Variants in GNA14 observed in about 807,000 individuals in gnomAD.
The protein encoded by GNA14 is guanine nucleotide-binding protein subunit alpha-14.
In GNA14, 50 loss-of-function variants were observed where a neutral mutation model predicts 42.0. The observed-to-expected ratio is 1.19, with a 90% CI of 0.95 to 1.51. The LOEUF (loss-of-function observed/expected upper bound fraction) is 1.51, where lower values mean the gene tolerates loss of function less well. Ranked by LOEUF, GNA14 falls within the 40% of genes most tolerant of loss-of-function variation. The probability of loss-of-function intolerance (pLI) is 0.00; values close to 1 mark genes in which losing one functional copy is unlikely to be tolerated. For synonymous variants in GNA14, 173 were observed against 163.1 expected, an observed-to-expected ratio of 1.06 and a Z score of -0.46; for missense variants, 473 against 446.2, an observed-to-expected ratio of 1.06 and a Z score of -0.54.
chr9:77,561,873 C>T (rs1822888804), intron 1 of GNA14, among the ~76,000 whole-genome samples: 1 of 152,192 alleles, frequency 6.6e-6, no homozygotes, highest in Non-Finnish European at 1.5e-5. Context: ...ATCTCCATTT[C>T]CTCTTTTCCT....
chr9:77,517,585 C>CTTTTCT (rs1564039531), intron 2 of GNA14: 4 of 48,810 alleles, frequency 8.2e-5, no homozygotes, highest in Non-Finnish European at 1.6e-4. Context: ...TATCCTGGTA[C>CTTTTCT]TTTTCTTTTT....
At chr9:77,515,970 A>AAAAAAAAAAAAAAAAAC (rs1837250211) in intron 2 of GNA14, among the ~76,000 whole-genome samples, 1 of 148,216 alleles carries the variant, frequency 6.7e-6, no homozygotes, top group African/African-American at 2.5e-5. Flanking sequence ...CAAAAAAAAA[A>AAAAAAAAAAAAAAAAAC]AAAAAAAAAA....
intron 2 of GNA14, among the ~76,000 whole-genome samples, chr9:77,519,907 G>T (rs1402037246): frequency 3.3e-5 from 5 of 152,104 alleles, no homozygotes; most frequent in Non-Finnish European, 2.9e-5. Flanking sequence ...CTACTCGGGG[G>T]ACTGAGGCAG....
intron 2 of GNA14, among the ~76,000 whole-genome samples, chr9:77,515,971 A>AAAAAAAAAAAAAAAAAAAAAAAAAAC (rs1554693936): frequency 1.4e-5 from 2 of 147,142 alleles, no homozygotes; most frequent in Non-Finnish European, 3.0e-5. Flanking sequence ...AAAAAAAAAA[A>AAAAAAAAAAAAAAAAAAAAAAAAAAC]AAAAAAAAAA....
intron 1 of GNA14, among the ~76,000 whole-genome samples, chr9:77,628,384 C>T (rs1411605960): frequency 5.9e-5 from 9 of 152,184 alleles, no homozygotes; most frequent in African/African-American, 2.2e-4. Flanking sequence ...TTAGAAAAAA[C>T]TACTTTAAAT....
At chr9:77,522,830 C>T (rs12348395) in intron 2 of GNA14, among the ~76,000 whole-genome samples, 2,170 of 152,260 alleles carry the variant, frequency 0.014, 63 homozygotes, top group African/African-American at 0.049. Context: ...GCCTGATAAA[C>T]CCAGCAGTAG....
intron 5 of GNA14, among the ~76,000 whole-genome samples, chr9:77,426,595 C>T (rs924655814): frequency 1.3e-4 from 20 of 152,186 alleles, no homozygotes; most frequent in African/African-American, 3.4e-4. Context: ...TGAGCCACCG[C>T]GCCTGGCCTT....
chr9:77,506,758 A>C (rs1401784695), intron 2 of GNA14, among the ~76,000 whole-genome samples: 4 of 152,218 alleles, frequency 2.6e-5, no homozygotes, highest in Non-Finnish European at 5.9e-5. Context: ...CTCACAGCAC[A>C]TCTTGATTCA....
chr9:77,466,601 C>T (rs1445313140), intron 2 of GNA14, among the ~76,000 whole-genome samples: 6 of 151,054 alleles, frequency 4.0e-5, no homozygotes, highest in Non-Finnish European at 8.9e-5. Flanking sequence ...ACCTCTGGGG[C>T]CTTCCAAGCC....
At chr9:77,632,042 C>T (rs1824107486) in intron 1 of GNA14, among the ~76,000 whole-genome samples, 1 of 152,202 alleles carries the variant, frequency 6.6e-6, no homozygotes, top group Non-Finnish European at 1.5e-5. Flanking sequence ...GCCACCGCTG[C>T]AGCTGCCAAA....
intron 1 of GNA14, among the ~76,000 whole-genome samples, chr9:77,580,083 T>C (rs779671740): frequency 1.3e-5 from 2 of 152,218 alleles, no homozygotes; most frequent in African/African-American, 2.4e-5. Flanking sequence ...CCAGGGTGAC[T>C]GTATGTCCTG....
chr9:77,645,078 G>A (rs987186903), intron 1 of GNA14, among the ~76,000 whole-genome samples: 2 of 152,204 alleles, frequency 1.3e-5, no homozygotes, highest in African/African-American at 4.8e-5. Context: ...ACACTGACCT[G>A]TGCTTTTATT....
intron 2 of GNA14, among the ~76,000 whole-genome samples, chr9:77,495,052 A>G (rs1357021005): frequency 1.3e-5 from 2 of 152,296 alleles, no homozygotes; most frequent in East Asian, 3.9e-4. Context: ...CACCCACCTC[A>G]GCCTCCCAAA....
At chr9:77,478,968 T>C (rs1300445781) in intron 2 of GNA14, among the ~76,000 whole-genome samples, 2 of 152,324 alleles carry the variant, frequency 1.3e-5, no homozygotes, top group Admixed American at 6.5e-5. Context: ...TTTCTCCCAT[T>C]CTGTAGGTTG....
At chr9:77,589,749 A>G (rs534882614) in intron 1 of GNA14, among the ~76,000 whole-genome samples, 34 of 152,324 alleles carry the variant, frequency 2.2e-4, no homozygotes, top group Non-Finnish European at 4.0e-4. Flanking sequence ...GGATGGCAAC[A>G]CTGGATTTTA....
chr9:77,633,921 C>G (rs141870215), intron 1 of GNA14, among the ~76,000 whole-genome samples: 1 of 152,120 alleles, frequency 6.6e-6, no homozygotes, highest in African/African-American at 2.4e-5. Flanking sequence ...AGAATAATGA[C>G]TGAATGTATA....
In GNA14 at chr9:77,480,269, G is replaced by C. The variant is rs553758699; in HGVS notation, c.310-45747C>G. On this transcript the variant is annotated intron_variant, in intron 2 of 6. Coordinates refer to ENST00000341700, the MANE Select transcript of GNA14 (RefSeq NM_004297.4). ...AGAGTTTTTAGCATGAAGGGTTGTT[G>C]AATTTTGTCTAAGGCCTTTTCTGCA... Among the ~76,000 whole-genome samples the C allele has an allele frequency of 1.6e-3, 247 of 152,280 alleles. 1 individual carries two copies. The highest frequency in any genetic ancestry group is 5.6e-3 in the African/African-American group (233 of 41,554).
intron 2 of GNA14, among the ~76,000 whole-genome samples, chr9:77,467,937 G>A (rs908212767): frequency 6.6e-5 from 10 of 152,110 alleles, no homozygotes; most frequent in Non-Finnish European, 1.5e-5. Context: ...GATTTGTCTT[G>A]ACCTATCTAT....
At chr9:77,582,599 A>G (rs1485900796) in intron 1 of GNA14, among the ~76,000 whole-genome samples, 1 of 152,186 alleles carries the variant, frequency 6.6e-6, no homozygotes, top group East Asian at 1.9e-4. Flanking sequence ...CCAGTCCACC[A>G]GATAAATATT....
Sources: gnomAD v4.1 joint callset for allele counts (sites outside exome capture counted in the v4.1 genomes callset) on GRCh38, gnomAD v4.1.1 for gene constraint, MANE v1.5 for transcripts, NCBI Gene and HGNC (gene_info 2026-07-23, HGNC 2026-07-21) for gene names.